The following ZNF804B variants were observed in gnomAD, a reference collection of about 807,000 sequenced individuals.
ZNF804B encodes the protein zinc finger 804B.
ZNF804B carries 80 observed loss-of-function variants against 101.4 expected under a neutral mutation model. The ratio of observed to expected loss-of-function variants is 0.79; its 90% CI spans 0.66 to 0.95. ZNF804B has a LOEUF of 0.95. Among genes scored for constraint, ZNF804B ranks in the 40% least tolerant of loss-of-function variants. The pLI is 0.00. For missense variants in ZNF804B, 1,673 were observed against 1,561.9 expected (o/e 1.07, Z -1.20); for synonymous variants, 622 against 558.8 (o/e 1.11, Z -1.59).
chr7:88,802,417 T>C (rs1790605920), intron 1 of ZNF804B, among the ~76,000 whole-genome samples: 1 of 152,042 alleles, frequency 6.6e-6, no homozygotes, highest in Admixed American at 6.6e-5. Flanking sequence ...TACGTTAAAA[T>C]TGTCACACTG....
chr7:89,021,192 G>C (rs1054831616), intron 1 of ZNF804B, among the ~76,000 whole-genome samples: 2 of 152,212 alleles, frequency 1.3e-5, no homozygotes, highest in African/African-American at 4.8e-5. Flanking sequence ...GGTGGATGCA[G>C]TAGTGCAGTC....
At chr7:88,803,615 T>C (rs1308101864) in intron 1 of ZNF804B, among the ~76,000 whole-genome samples, 1 of 152,136 alleles carries the variant, frequency 6.6e-6, no homozygotes, top group Non-Finnish European at 1.5e-5. Context: ...GAATATCAGT[T>C]ACTGGGAGGA....
chr7:89,095,625 A>G (rs573158785), intron 1 of ZNF804B, among the ~76,000 whole-genome samples: 1 of 152,292 alleles, frequency 6.6e-6, no homozygotes, highest in African/African-American at 2.4e-5. Flanking sequence ...CATATATGCA[A>G]TGGGAACACA....
chr7:89,298,673 G>A (rs182233712), intron 2 of ZNF804B, among the ~76,000 whole-genome samples: 2 of 151,802 alleles, frequency 1.3e-5, no homozygotes, highest in Admixed American at 6.6e-5. Context: ...AGACTGTTAC[G>A]AAAAAGCTTC....
intron 1 of ZNF804B, among the ~76,000 whole-genome samples, chr7:88,987,044 A>C (rs992884375): frequency 2.0e-4 from 30 of 152,172 alleles, no homozygotes; most frequent in African/African-American, 6.3e-4. Flanking sequence ...TATGTAATAT[A>C]GTCTGATTTT....
intron 1 of ZNF804B, among the ~76,000 whole-genome samples, chr7:89,155,238 G>T (rs1354027947): frequency 6.6e-6 from 1 of 152,128 alleles, no homozygotes; most frequent in Non-Finnish European, 1.5e-5. Context: ...GCTGCTGCAT[G>T]TTACTTCACA....
intron 1 of ZNF804B, among the ~76,000 whole-genome samples, chr7:88,986,310 T>A (rs563028158): frequency 6.6e-6 from 1 of 152,106 alleles, no homozygotes; most frequent in East Asian, 1.9e-4. Flanking sequence ...TTGTTACTTT[T>A]AACAATTATG....
At chr7:89,043,907 T>A (rs896464511) in intron 1 of ZNF804B, among the ~76,000 whole-genome samples, 4 of 152,070 alleles carry the variant, frequency 2.6e-5, no homozygotes, top group African/African-American at 4.8e-5. Context: ...GGAGCTAAAG[T>A]AAGTTAATAG....
intron 1 of ZNF804B, among the ~76,000 whole-genome samples, chr7:89,125,983 CT>C (rs1790470116): frequency 6.6e-6 from 1 of 152,026 alleles, no homozygotes; most frequent in African/African-American, 2.4e-5. Context: ...AAGGTTCCCC[CT>C]GATGATCAGA....
intron 1 of ZNF804B, among the ~76,000 whole-genome samples, chr7:88,871,098 T>C (rs1307061980): frequency 2.0e-5 from 3 of 152,206 alleles, no homozygotes; most frequent in Admixed American, 6.5e-5. Context: ...TGATTTTTTA[T>C]TAAACCCGAG....
chr7:88,874,836 C>A (rs1272975886), intron 1 of ZNF804B, among the ~76,000 whole-genome samples: 3 of 150,690 alleles, frequency 2.0e-5, no homozygotes, highest in Non-Finnish European at 4.4e-5. Context: ...AACTCCCCAC[C>A]CCAAATCAAC....
chr7:88,940,104 C>G (rs560117749), intron 1 of ZNF804B, among the ~76,000 whole-genome samples: 1 of 151,986 alleles, frequency 6.6e-6, no homozygotes, highest in East Asian at 1.9e-4. Flanking sequence ...TAATTATGTA[C>G]TTATTCATAA....
intron 1 of ZNF804B, among the ~76,000 whole-genome samples, chr7:88,908,620 C>A (rs1005540585): frequency 1.3e-5 from 2 of 151,668 alleles, no homozygotes; most frequent in South Asian, 4.1e-4. Flanking sequence ...ACCACTTTTT[C>A]TTTTAATGCT....
intron 1 of ZNF804B, among the ~76,000 whole-genome samples, chr7:88,800,113 A>G (rs1283486999): frequency 6.6e-6 from 1 of 152,106 alleles, no homozygotes; most frequent in Non-Finnish European, 1.5e-5. Context: ...AAAGAGAACT[A>G]ATCATCTAAA....
chr7:89,087,050 T>A (rs1472852594), intron 1 of ZNF804B, among the ~76,000 whole-genome samples: 2 of 89,778 alleles, frequency 2.2e-5, no homozygotes, highest in African/African-American at 4.7e-5. Flanking sequence ...TAACTTTTTT[T>A]AAATTCAAAA....
intron 1 of ZNF804B, among the ~76,000 whole-genome samples, chr7:88,835,147 A>G (rs533798357): frequency 3.9e-5 from 6 of 151,998 alleles, no homozygotes; most frequent in South Asian, 2.1e-4. Flanking sequence ...TGGTAATAAA[A>G]TTACATGCTG....
intron 1 of ZNF804B, among the ~76,000 whole-genome samples, chr7:88,844,016 A>G (rs1791330244): frequency 6.6e-6 from 1 of 152,124 alleles, no homozygotes; most frequent in African/African-American, 2.4e-5. Flanking sequence ...CACATGGAAA[A>G]CATATAGATC....
chr7:89,038,588 C>G (rs1466195390), intron 1 of ZNF804B, among the ~76,000 whole-genome samples: 4 of 151,990 alleles, frequency 2.6e-5, no homozygotes, highest in Non-Finnish European at 5.9e-5. Flanking sequence ...ATATGGTTTG[C>G]AAATATTTTT....
intron 1 of ZNF804B, among the ~76,000 whole-genome samples, chr7:89,185,652 G>A (rs1216181112): frequency 1.3e-5 from 2 of 152,102 alleles, no homozygotes; most frequent in Non-Finnish European, 2.9e-5. Context: ...ACTGAGGTTG[G>A]GAGTTAGAGA....
Sources: allele counts gnomAD v4.1 joint callset (sites outside exome capture counted in the v4.1 genomes callset), GRCh38; gene constraint gnomAD v4.1.1; transcripts MANE v1.5; gene names NCBI Gene and HGNC (gene_info 2026-07-23, HGNC 2026-07-21).